ATAD2: variants seen among roughly 807,000 people sequenced by gnomAD.
ATAD2 encodes ATPase family AAA domain containing 2.
A neutral mutation model predicts 168.9 loss-of-function variants in ATAD2; 62 were observed. That is an observed-to-expected ratio of 0.37 (90% confidence interval 0.30 to 0.45). The LOEUF (loss-of-function observed/expected upper bound fraction) is 0.45. ATAD2 is among the 20% of genes least tolerant of loss of function. ATAD2 has a pLI of 1.00. For synonymous variants in ATAD2, 613 were observed against 571.6 expected, an observed-to-expected ratio of 1.07 and a Z score of -1.03; for missense variants, 1,419 against 1,667.8, an observed-to-expected ratio of 0.85 and a Z score of 2.60.
At chr8:123,396,459 C>A, upstream of ATAD2, 2 of 1,292,894 alleles carry the variant, frequency 1.5e-6, no homozygotes. Context: ...GCGCCACAAG[C>A]TCCGCGCCAG....
At chr8:123,370,261 T>G (rs1377524984) in intron 6 of ATAD2, among the ~76,000 whole-genome samples, 1 of 151,740 alleles carries the variant, frequency 6.6e-6, no homozygotes, top group Non-Finnish European at 1.5e-5. Flanking sequence ...AAAAAGGAAG[T>G]AGAGAAAGAA....
intron 2 of ATAD2, among the ~76,000 whole-genome samples, chr8:123,379,017 C>T (rs531586398): frequency 2.0e-5 from 3 of 151,896 alleles, no homozygotes; most frequent in South Asian, 4.2e-4. Context: ...AGGCTGGTAT[C>T]AAACTCCCCG....
intron 15 of ATAD2, 133 bp downstream of exon 15, chr8:123,348,050 C>T (rs751604390): frequency 5.5e-6 from 4 of 730,012 alleles, no homozygotes; most frequent in Admixed American, 2.6e-5. Flanking sequence ...TAGTCTGGTG[C>T]AAAAGAAACT....
In ATAD2 at chr8:123,377,299, T is replaced by C. The variant is rs1829348633; in HGVS notation, c.320+3230A>G. On this transcript the variant is annotated intron_variant, in intron 2 of 27. Transcript: ENST00000287394. ...AGAAAAAAAGAATTAATAAAAAGGA[T>C]AGAAATTCAATATATTTTAGAAATA... Among the ~76,000 whole-genome samples, 4 of 151,832 alleles carry C rather than the reference T, an allele frequency of 2.6e-5. No individual in the cohort carries two copies. In the South Asian group the frequency reaches 8.3e-4, roughly 32 times the overall value.
intron 1 of ATAD2, among the ~76,000 whole-genome samples, chr8:123,412,305 G>A (rs1360020842): frequency 6.6e-6 from 1 of 152,206 alleles, no homozygotes; most frequent in Non-Finnish European, 1.5e-5. Context: ...TTACAGCAAT[G>A]TCACCTGTAT....
intron 1 of ATAD2, among the ~76,000 whole-genome samples, chr8:123,386,156 C>A (rs540082815): frequency 5.9e-5 from 9 of 152,212 alleles, no homozygotes; most frequent in African/African-American, 2.2e-4. Flanking sequence ...TCTATATGAT[C>A]CAGCAATTCC....
chr8:123,345,506 C>CAAA (rs34282183), intron 18 of ATAD2, among the ~76,000 whole-genome samples: 6 of 50,118 alleles, frequency 1.2e-4, no homozygotes, highest in East Asian at 6.7e-4. Context: ...TATTAAAATA[C>CAAA]AAAAAAAAAA....
At chr8:123,410,114 C>T (rs1024069918) in intron 1 of ATAD2, among the ~76,000 whole-genome samples, 1 of 152,012 alleles carries the variant, frequency 6.6e-6, no homozygotes, top group East Asian at 1.9e-4. Context: ...CTTCTAAACA[C>T]CTGCCCATTA....
Position 123,380,554 on chromosome 8 carries a change from G to T in ATAD2, c.295C>A (p.Leu99Ile), listed in dbSNP as rs950509663. ...CTTGTAAAATGCCTGCCATTAGCAA[G>T]TTGCTCCGTTATTTCCACATTCTTC... ...FEKNVEITEQLANGRHFTRQL... is the reference protein window; with the variant it reads ...FEKNVEITEQIANGRHFTRQL... Residue 99 changes from leucine to isoleucine, a missense_variant, in exon 2 of 28, where the codon CTT becomes ATT. This residue lies in a region of ATAD2 where 419 missense variants were observed against 423.5 expected (regional missense o/e 0.99). Coordinates refer to ENST00000287394, the MANE Select transcript of ATAD2 (RefSeq NM_014109.4). 1.2e-6 allele frequency: 2 copies of T among 1,613,878 alleles called. No individual in the cohort carries two copies. The highest frequency in any genetic ancestry group is 1.7e-6 in the Non-Finnish European group (2 of 1,179,984).
chr8:123,411,645 C>A (rs889299364), intron 1 of ATAD2, among the ~76,000 whole-genome samples: 1 of 152,132 alleles, frequency 6.6e-6, no homozygotes, highest in Non-Finnish European at 1.5e-5. Flanking sequence ...GCGGGAGGGA[C>A]AAGGATCGGG....
intron 7 of ATAD2, 103 bp from the exon 8 acceptor site, chr8:123,369,278 T>C: frequency 2.9e-6 from 1 of 340,858 alleles, no homozygotes; most frequent in East Asian, 7.8e-5. Context: ...CTTACAAAGG[T>C]GCTTATCGCC....
intron 24 of ATAD2, among the ~76,000 whole-genome samples, chr8:123,331,053 G>T (rs1827762773): frequency 1.3e-5 from 2 of 152,036 alleles, no homozygotes; most frequent in South Asian, 2.1e-4. Flanking sequence ...TCCCTTGAGG[G>T]CTGGGATTAC....
chr8:123,371,558 G>C, intron 4 of ATAD2, 112 bp downstream of exon 4: 1 of 966,196 alleles, frequency 1.0e-6, no homozygotes, highest in Non-Finnish European at 1.5e-6. Flanking sequence ...TCTCCTGTAC[G>C]CTTTACGTAG....
chr8:123,322,944 A>C lies in ATAD2; in HGVS notation c.4125T>G (p.Leu1375=). ...TTTCCACTCAAGAGTTTACCTGAATAAGTGATGTTTTATCATGGTCCTTGC... is the reference window on the plus strand; with the variant it reads ...TTTCCACTCAAGAGTTTACCTGAATCAGTGATGTTTTATCATGGTCCTTGC... ...RHRKDHDKTS[L]IQKMEQEVEN... Residue 1375 remains leucine (L), a synonymous_variant, in exon 27 of 28, where the codon CTT becomes CTG. Coordinates refer to ENST00000287394, the MANE Select transcript of ATAD2 (RefSeq NM_014109.4). 1 of 1,612,800 alleles carries C rather than the reference A, an allele frequency of 6.2e-7. No homozygotes were observed. The highest frequency in any genetic ancestry group is 8.5e-7 in the Non-Finnish European group (1 of 1,179,524).
At position 123,369,131 on chromosome 8, in the gene ATAD2, C is replaced by G. The variant is rs747390602; in HGVS notation, c.976G>C (p.Ala326Pro). The change falls in exon 8 of 28, where the codon GCT (alanine) becomes CCT (proline). Residue 326 changes from alanine (A) to proline (P), a missense_variant. Physicochemically the swap from Ala to Pro is conservative, Grantham distance 27 (BLOSUM62 -1). Coordinates refer to ENST00000287394, the MANE Select transcript of ATAD2 (RefSeq NM_014109.4). ...RKPNIFYSGP[A>P]SPARPRYRLS... Reference sequence around the variant, plus strand: ...CGGTATCTTGGTCTTGCAGGAGAAGCTGGGCCACTATAAAATATGTTGGGC... The same window carrying G: ...CGGTATCTTGGTCTTGCAGGAGAAGGTGGGCCACTATAAAATATGTTGGGC... The G allele has an allele frequency of 6.3e-7, 1 of 1,591,222 alleles. No homozygotes were observed. Among genetic ancestry groups the G allele is most frequent in the South Asian group, 1.1e-5 (1 of 88,024 alleles).
At chr8:123,359,105 TGAAAAGG>T in intron 11 of ATAD2, 109 bp downstream of exon 11, 8 of 638,108 alleles carry the variant, frequency 1.3e-5, no homozygotes, top group South Asian at 4.7e-5. Flanking sequence ...AGTTGTATAA[TGAAAAGG>T]GAAAAGGGAA....
chr8:123,387,180 A>C (rs1829669035), intron 1 of ATAD2, among the ~76,000 whole-genome samples: 1 of 152,150 alleles, frequency 6.6e-6, no homozygotes, highest in Non-Finnish European at 1.5e-5. Flanking sequence ...TATGTTTTAT[A>C]AGTTTTTTCT....
chr8:123,387,053 A>T (rs1395126055), intron 1 of ATAD2, among the ~76,000 whole-genome samples: 3 of 152,160 alleles, frequency 2.0e-5, no homozygotes, highest in Non-Finnish European at 4.4e-5. Flanking sequence ...TGGAAAAATG[A>T]AAATGTCACC....
intron 13 of ATAD2, among the ~76,000 whole-genome samples, chr8:123,355,657 C>T (rs1828617790): frequency 6.6e-6 from 1 of 152,128 alleles, no homozygotes; most frequent in South Asian, 2.1e-4. Flanking sequence ...ATTTAAGATA[C>T]TTGACAATTT....
Sources: gnomAD v4.1 joint callset for allele counts (sites outside exome capture counted in the v4.1 genomes callset) on GRCh38, gnomAD v4.1.1 for gene constraint, gnomAD v4.1.1 regional missense constraint, MANE v1.5 for transcripts, NCBI Gene and HGNC (gene_info 2026-07-23, HGNC 2026-07-21) for gene names.